Variants in PDLIM5 observed in about 807,000 individuals in gnomAD.
PDLIM5 encodes the protein PDZ and LIM domain protein 5.
A neutral mutation model predicts 64.2 loss-of-function variants in PDLIM5; 34 were observed. That is an observed-to-expected ratio of 0.53 (90% CI 0.40 to 0.71). The LOEUF (loss-of-function observed/expected upper bound fraction) is 0.71. PDLIM5 is among the 30% of genes least tolerant of loss of function. PDLIM5 has a pLI of 0.00. For missense variants in PDLIM5, 683 were observed against 733.6 expected (o/e 0.93, Z 0.80); for synonymous variants, 253 against 269.1 (o/e 0.94, Z 0.59).
At position 94,467,897 on chromosome 4, in the gene PDLIM5, GA is replaced by G. The variant is rs568972415; in HGVS notation, c.96+12515del. Among the ~76,000 whole-genome samples, 141 of 152,316 alleles carry G rather than the reference GA, an allele frequency of 9.3e-4. 1 individual carries two copies. The highest frequency in any genetic ancestry group is 3.4e-3 in the Middle Eastern group (1 of 294). ...TTTGAGTCTTGTGGATATTCTGTAAGAAGCCATTTCTTCAAATGTTTCTCTC... is the reference window on the plus strand; with the variant it reads ...TTTGAGTCTTGTGGATATTCTGTAAGAGCCATTTCTTCAAATGTTTCTCTC... On this transcript the variant is annotated intron_variant, in intron 2 of 12. Transcript: ENST00000317968.
At chr4:94,555,790 A>T (rs1472356568) in intron 3 of PDLIM5, among the ~76,000 whole-genome samples, 1 of 152,028 alleles carries the variant, frequency 6.6e-6, no homozygotes. Context: ...TCTTCATTTA[A>T]TCTTGGGAAT....
At chr4:94,644,609 T>G (rs1452132440) in intron 9 of PDLIM5, among the ~76,000 whole-genome samples, 1 of 151,396 alleles carries the variant, frequency 6.6e-6, no homozygotes, top group African/African-American at 2.4e-5. Context: ...CACTGCAACC[T>G]CGGCTCACTG....
chr4:94,486,199 T>C (rs916061247), intron 2 of PDLIM5, among the ~76,000 whole-genome samples: 9 of 152,176 alleles, frequency 5.9e-5, no homozygotes, highest in African/African-American at 2.2e-4. Context: ...GTACACATTT[T>C]TTTTTGTTGT....
intron 1 of PDLIM5, among the ~76,000 whole-genome samples, chr4:94,454,568 G>T (rs1723156653): frequency 6.6e-6 from 1 of 152,176 alleles, no homozygotes; most frequent in South Asian, 2.1e-4. Flanking sequence ...ACAAAAAGCA[G>T]GTTGTGACTA....
chr4:94,465,962 T>C (rs529032661), intron 2 of PDLIM5, among the ~76,000 whole-genome samples: 74 of 152,090 alleles, frequency 4.9e-4, no homozygotes, highest in African/African-American at 1.8e-3. Flanking sequence ...GTTTCTTTTT[T>C]TTTTCCCCTT....
chr4:94,608,275 A>G, intron 7 of PDLIM5: 1 of 810,952 alleles, frequency 1.2e-6, no homozygotes, highest in Non-Finnish European at 1.9e-6. Context: ...TGTTGATTAC[A>G]GAACGGACAT....
chr4:94,536,905 A>G (rs1482530132), intron 3 of PDLIM5, among the ~76,000 whole-genome samples: 2 of 152,228 alleles, frequency 1.3e-5, no homozygotes, highest in East Asian at 3.8e-4. Flanking sequence ...GTTGAAAAGT[A>G]CATGGGAGTG....
intron 6 of PDLIM5, among the ~76,000 whole-genome samples, 173 bp downstream of exon 6, chr4:94,585,910 G>T (rs1455639446): frequency 6.6e-6 from 1 of 152,106 alleles, no homozygotes; most frequent in Non-Finnish European, 1.5e-5. Context: ...AGTGGCTCAC[G>T]CCTGTAATCC....
In PDLIM5 at chr4:94,453,229, G is replaced by A. The variant is rs139881828; in HGVS notation, c.-43+1234G>A. Reference sequence around the variant, plus strand: ...TATTTCCTGCCTGCTTGGTATTTGAGGAAGGGCTTGGGCACTAATAACCAG... The same window carrying A: ...TATTTCCTGCCTGCTTGGTATTTGAAGAAGGGCTTGGGCACTAATAACCAG... On this transcript the variant is annotated intron_variant, in intron 1 of 12. Coordinates refer to ENST00000317968, the MANE Select transcript of PDLIM5 (RefSeq NM_006457.5). Among the ~76,000 whole-genome samples, 242 of 152,276 alleles carry A rather than the reference G, an allele frequency of 1.6e-3. 1 individual carries two copies. Among genetic ancestry groups the A allele is most frequent in the African/African-American group, 5.6e-3 (234 of 41,560 alleles).
intron 2 of PDLIM5, among the ~76,000 whole-genome samples, chr4:94,496,726 G>A (rs982685300): frequency 2.0e-5 from 3 of 152,122 alleles, no homozygotes; most frequent in East Asian, 1.9e-4. Flanking sequence ...CTGGGCTTGC[G>A]TTCCAGTCTG....
At chr4:94,544,989 T>G (rs1414775108) in intron 3 of PDLIM5, among the ~76,000 whole-genome samples, 1 of 152,176 alleles carries the variant, frequency 6.6e-6, no homozygotes, top group Admixed American at 6.5e-5. Context: ...TTTTTCTGGT[T>G]AATGAGACCA....
intron 9 of PDLIM5, among the ~76,000 whole-genome samples, chr4:94,650,826 C>T (rs538124576): frequency 6.6e-6 from 1 of 151,788 alleles, no homozygotes; most frequent in Non-Finnish European, 1.5e-5. Flanking sequence ...ACATGCCCCG[C>T]CTTTTTGGAT....
intron 7 of PDLIM5, among the ~76,000 whole-genome samples, chr4:94,615,072 A>T (rs1738669333): frequency 6.6e-6 from 1 of 152,208 alleles, no homozygotes; most frequent in Admixed American, 6.5e-5. Flanking sequence ...CACTGTGCTA[A>T]GTAATTTGCA....
chr4:94,653,236 T>A (rs1268296477), intron 9 of PDLIM5, among the ~76,000 whole-genome samples: 1 of 152,148 alleles, frequency 6.6e-6, no homozygotes, highest in African/African-American at 2.4e-5. Flanking sequence ...AGTGATTTTA[T>A]GATATTTGTC....
intron 5 of PDLIM5, among the ~76,000 whole-genome samples, chr4:94,576,514 A>C (rs376035385): frequency 2.0e-4 from 31 of 152,334 alleles, no homozygotes; most frequent in African/African-American, 7.0e-4. Flanking sequence ...CTTTTGACTC[A>C]TGTCTATATG....
At chr4:94,639,433 G>C (rs1246570669) in intron 8 of PDLIM5, among the ~76,000 whole-genome samples, 3 of 152,184 alleles carry the variant, frequency 2.0e-5, no homozygotes, top group African/African-American at 7.2e-5. Context: ...TGGTGACGTT[G>C]AGGATCTAAA....
At chr4:94,651,913 A>G (rs1741873740) in intron 9 of PDLIM5, among the ~76,000 whole-genome samples, 2 of 152,232 alleles carry the variant, frequency 1.3e-5, no homozygotes, top group South Asian at 4.1e-4. Context: ...AGCACCGTTC[A>G]TAAAAGGAAT....
At chr4:94,470,423 AT>A (rs1304587536) in intron 2 of PDLIM5, among the ~76,000 whole-genome samples, 6 of 152,176 alleles carry the variant, frequency 3.9e-5, no homozygotes, top group Non-Finnish European at 5.9e-5. Context: ...ATTTATTAGA[AT>A]TTGCCTCAAA....
At chr4:94,456,012 T>C in intron 2 of PDLIM5, 1 of 1,412,796 alleles carries the variant, frequency 7.1e-7, no homozygotes, top group Non-Finnish European at 9.3e-7. Flanking sequence ...ATGATGATGA[T>C]GATAGCACTG....
Sources: gnomAD v4.1 joint callset for allele counts (sites outside exome capture counted in the v4.1 genomes callset) on GRCh38, gnomAD v4.1.1 for gene constraint, MANE v1.5 for transcripts, NCBI Gene and HGNC (gene_info 2026-07-23, HGNC 2026-07-21) for gene names.